The following CYP4F12 variants were observed in gnomAD, a reference collection of about 807,000 sequenced individuals.
The protein encoded by CYP4F12 is cytochrome P450 4F12.
CYP4F12 carries 60 observed loss-of-function variants against 56.5 expected under a neutral mutation model. The observed-to-expected ratio is 1.06, with a 90% CI of 0.86 to 1.32. The LOEUF (loss-of-function observed/expected upper bound fraction) is 1.32. Among genes scored for constraint, CYP4F12 ranks in the 40% most tolerant of loss-of-function variants. CYP4F12 has a pLI of 0.00. For synonymous variants in CYP4F12, 263 were observed against 264.9 expected, an observed-to-expected ratio of 0.99 and a Z score of 0.07; for missense variants, 711 against 683.5, an observed-to-expected ratio of 1.04 and a Z score of -0.45.
At chr19:15,687,032 C>T (rs879631901) in intron 9 of CYP4F12, among the ~76,000 whole-genome samples, 1 of 152,210 alleles carries the variant, frequency 6.6e-6, no homozygotes, top group Admixed American at 6.5e-5. Flanking sequence ...AATCCCAGCA[C>T]TTTGGAAGGC....
intron 9 of CYP4F12, among the ~76,000 whole-genome samples, chr19:15,689,036 AG>A (rs1333801434): frequency 2.6e-5 from 4 of 152,192 alleles, no homozygotes; most frequent in Non-Finnish European, 5.9e-5. Context: ...GCCTAGGCAA[AG>A]AATTCGTGAC....
chr19:15,693,748 C>T (rs1345790455), intron 9 of CYP4F12, among the ~76,000 whole-genome samples: 1 of 150,372 alleles, frequency 6.7e-6, no homozygotes, highest in African/African-American at 2.5e-5. Context: ...GTGTTTTAGA[C>T]ATGAAGTCCT....
chr19:15,690,304 T>C (rs2007813179), intron 9 of CYP4F12, among the ~76,000 whole-genome samples: 1 of 152,250 alleles, frequency 6.6e-6, no homozygotes, highest in African/African-American at 2.4e-5. Flanking sequence ...TTAATAAACA[T>C]ACCCGTCATC....
chr19:15,695,148 T>C (rs1600013019), intron 9 of CYP4F12, among the ~76,000 whole-genome samples: 2 of 152,118 alleles, frequency 1.3e-5, no homozygotes. Flanking sequence ...GTGGCACATA[T>C]ACACCATGGA....
chr19:15,686,800 C>T (rs1020578683), intron 9 of CYP4F12, among the ~76,000 whole-genome samples: 31 of 152,226 alleles, frequency 2.0e-4, no homozygotes, highest in African/African-American at 7.2e-4. Context: ...ATTCTGGGAC[C>T]TGAGCCAGGG....
chr19:15,688,921 C>T (rs947833154), intron 9 of CYP4F12, among the ~76,000 whole-genome samples: 1 of 152,118 alleles, frequency 6.6e-6, no homozygotes, highest in African/African-American at 2.4e-5. Context: ...AAAAATGAAA[C>T]TGCATCCCCA....
Position 15,696,202 on chromosome 19 carries a change from C to A in CYP4F12, c.1291C>A (p.Pro431Thr). ...LIDIIGVHHN[P>T]TVWPDPEVYD... ...CGATATTATAGGGGTCCATCACAAC[C>A]CAACTGTGTGGCCGGATCCTGAGGT... Residue 431 changes from proline to threonine, a missense_variant, in exon 11 of 13, where the codon CCA (proline) becomes ACA (threonine). Coordinates refer to ENST00000550308, the MANE Select transcript of CYP4F12 (RefSeq NM_023944.4). 4.3e-6 allele frequency: 7 copies of A among 1,614,134 alleles called. No individual in the cohort carries two copies. Among genetic ancestry groups the A allele is most frequent in the Non-Finnish European group, 5.9e-6 (7 of 1,180,000 alleles).
chr19:15,696,236 C>CA lies in CYP4F12; in HGVS notation c.1314+11_1314+12insA. ...TGGCCGGATCCTGAGGTGCTGCCTT[C>CA]CCCATTCACCACCACCACCCCCATC... On this transcript the variant is annotated intron_variant, in intron 11 of 12. Transcript: ENST00000550308. 6.2e-7 allele frequency: 1 copy of CA among 1,614,040 alleles called. No homozygotes were observed. The highest frequency in any genetic ancestry group is 8.5e-7 in the Non-Finnish European group (1 of 1,179,964).
At chr19:15,695,639 G>A (rs886152342) in intron 9 of CYP4F12, among the ~76,000 whole-genome samples, 6 of 152,078 alleles carry the variant, frequency 3.9e-5, no homozygotes, top group Admixed American at 6.5e-5. Flanking sequence ...TTGCATTTGA[G>A]TTTGCTTTCT....
intron 9 of CYP4F12, among the ~76,000 whole-genome samples, chr19:15,688,592 C>T (rs1452712011): frequency 1.3e-5 from 2 of 152,118 alleles, no homozygotes; most frequent in Non-Finnish European, 1.5e-5. Context: ...ATTTTTCACA[C>T]AACTGGGAAA....
At chr19:15,686,157 T>C (rs142796636) in intron 9 of CYP4F12, among the ~76,000 whole-genome samples, 5 of 152,298 alleles carry the variant, frequency 3.3e-5, no homozygotes, top group East Asian at 1.9e-4. Flanking sequence ...GAAAGTGTGA[T>C]AGAAAGTGTT....
In CYP4F12 at chr19:15,695,433, G is replaced by A. The variant is rs528268337; in HGVS notation, c.1116-503G>A. Among the ~76,000 whole-genome samples, 6 of 151,278 alleles carry A rather than the reference G, an allele frequency of 4.0e-5. No individual in the cohort carries two copies. In the South Asian group the frequency reaches 1.3e-3, roughly 32 times the overall value. ...ATGAGTTAATGGGTGCAGCACACCAGCATGGCACATGTATACATATGTAAC... is the reference window on the plus strand; with the variant it reads ...ATGAGTTAATGGGTGCAGCACACCAACATGGCACATGTATACATATGTAAC... On this transcript the variant is annotated intron_variant, in intron 9 of 12. Coordinates refer to ENST00000550308, the MANE Select transcript of CYP4F12 (RefSeq NM_023944.4).
chr19:15,686,782 G>T (rs895574832), intron 9 of CYP4F12, among the ~76,000 whole-genome samples: 2 of 152,176 alleles, frequency 1.3e-5, no homozygotes, highest in Non-Finnish European at 2.9e-5. Flanking sequence ...TGAAGTCCCA[G>T]TGAAGACATT....
rs1484760302 is a variant in CYP4F12 at position 15,696,070 on chromosome 19, G to A, written c.1249+1G>A. 1.2e-6 allele frequency: 2 copies of A among 1,613,114 alleles called. No homozygotes were observed. Among genetic ancestry groups the A allele is most frequent in the East Asian group, 4.5e-5 (2 of 44,898 alleles). The stretch of plus-strand genomic sequence containing the variant: ...CCAGATGGCCGAGTCATCCCCAAAG[G>A]TGCCCACAGCCTCAGGGGGAGAAGC... On this transcript the variant is annotated splice_donor_variant, in intron 10 of 12. Coordinates refer to ENST00000550308, the MANE Select transcript of CYP4F12 (RefSeq NM_023944.4). LOFTEE classifies it high-confidence loss of function.
chr19:15,680,801 T>G, intron 5 of CYP4F12: 1 of 446,726 alleles, frequency 2.2e-6, no homozygotes, highest in South Asian at 2.0e-5. Flanking sequence ...TAGTCATTGC[T>G]GATTATAAAC....
At chr19:15,679,794 G>C (rs989155453) in intron 3 of CYP4F12, among the ~76,000 whole-genome samples, 4 of 152,202 alleles carry the variant, frequency 2.6e-5, no homozygotes, top group African/African-American at 7.2e-5. Flanking sequence ...GGTTCCACCT[G>C]GGACATGTCT....
intron 9 of CYP4F12, among the ~76,000 whole-genome samples, chr19:15,688,393 T>C (rs1190733976): frequency 2.6e-5 from 4 of 151,184 alleles, no homozygotes; most frequent in Non-Finnish European, 4.4e-5. Context: ...CCTAGGAATA[T>C]ACTTAACCAA....
chr19:15,680,322 T>A (rs2074568), intron 4 of CYP4F12, 25 bp downstream of exon 4: 307,656 of 1,612,828 alleles, frequency 0.19, 29,799 homozygotes, highest in South Asian at 0.22. Context: ...GTGAAAGGGG[T>A]TGGGGACAAC....
chr19:15,694,836 A>C (rs2008045514), intron 9 of CYP4F12, among the ~76,000 whole-genome samples: 1 of 152,228 alleles, frequency 6.6e-6, no homozygotes, highest in Non-Finnish European at 1.5e-5. Context: ...GGCAATCATT[A>C]AAAAGTCAGG....
Sources: allele counts gnomAD v4.1 joint callset (sites outside exome capture counted in the v4.1 genomes callset), GRCh38; gene constraint gnomAD v4.1.1; transcripts MANE v1.5; gene names NCBI Gene and HGNC (gene_info 2026-07-23, HGNC 2026-07-21).